Variants in ZNF621 observed in about 807,000 individuals in gnomAD.
The protein encoded by ZNF621 is zinc finger protein 621.
Under a neutral mutation model 12.7 loss-of-function variants are expected in ZNF621, and 6 were observed. The observed-to-expected ratio is 0.47, with a 90% CI of 0.26 to 0.93. The LOEUF is 0.93. ZNF621 is among the 40% of genes least tolerant of loss of function. The probability of loss-of-function intolerance (pLI) is 0.15; values close to 1 mark genes in which losing one functional copy is unlikely to be tolerated. For missense variants in ZNF621, 474 were observed against 524.0 expected (o/e 0.90, Z 0.93); for synonymous variants, 156 against 190.3 (o/e 0.82, Z 1.48).
At chr3:40,524,660 C>A (rs1325790081), upstream of ZNF621, among the ~76,000 whole-genome samples, 1 of 152,208 alleles carries the variant, frequency 6.6e-6, no homozygotes, top group Non-Finnish European at 1.5e-5. Context: ...CGGCCAACAG[C>A]TGAGGCGCAG....
intron 3 of ZNF621, 111 bp from the exon 4 acceptor site, chr3:40,530,098 C>A: frequency 1.3e-6 from 1 of 786,244 alleles, no homozygotes; most frequent in Non-Finnish European, 2.1e-6. Flanking sequence ...ACTTGGTCTG[C>A]TGGTGTTCAA....
Position 40,534,516 on chromosome 3 carries a change from A to G in ZNF621, c.*1426A>G, listed in dbSNP as rs1303380900. 1 of 147,266 alleles carries G rather than the reference A, an allele frequency of 6.8e-6. No homozygotes were observed. The highest frequency in any genetic ancestry group is 1.5e-5 in the Non-Finnish European group (1 of 67,088). The allele number at this position is 147,266 out of a possible 1,614,324, so 9.1% of individuals were successfully genotyped here. A position where few individuals can be genotyped will look rare whatever the true frequency, so the allele number is the denominator to read the frequency against. The stretch of plus-strand genomic sequence containing the variant: ...GATGTTGCTATCTAGATGTTTCTCT[A>G]TAGCAATTAATAGCAAAACCTTTAC... On this transcript the variant is annotated 3_prime_UTR_variant, in exon 5 of 5. Coordinates refer to ENST00000339296, the MANE Select transcript of ZNF621 (RefSeq NM_198484.5).
At chr3:40,531,929 G>A (rs1274146866) in intron 4 of ZNF621, 101 bp from the exon 5 acceptor site, 3 of 1,103,834 alleles carry the variant, frequency 2.7e-6, no homozygotes, top group African/African-American at 1.6e-5. Flanking sequence ...CATTTCACAG[G>A]TATCTTTAAA....
rs183167640 is a variant in ZNF621 at position 40,526,758 on chromosome 3, G to T, written c.24+894G>T. Reference sequence around the variant, plus strand: ...AGAATTTTAAGCAGGGGGATGACATGGTTGGATTTACATATTAAAAAGATT... The same window carrying T: ...AGAATTTTAAGCAGGGGGATGACATTGTTGGATTTACATATTAAAAAGATT... On this transcript the variant is annotated intron_variant, in intron 2 of 4. Transcript: ENST00000339296. 7.2e-3 allele frequency among the ~76,000 whole-genome samples: 1,093 copies of T among 152,300 alleles called. 7 individuals are homozygous for T. Among genetic ancestry groups the T allele is most frequent in the Non-Finnish European group, 0.011 (781 of 68,012 alleles).
chr3:40,523,904 A>G (rs1470037160), upstream of ZNF621, among the ~76,000 whole-genome samples: 1 of 152,026 alleles, frequency 6.6e-6, no homozygotes, highest in Non-Finnish European at 1.5e-5. Flanking sequence ...TGAGCTGGGT[A>G]GAGCTGCCAC....
At chr3:40,527,144 A>C (rs1263040173) in intron 2 of ZNF621, among the ~76,000 whole-genome samples, 1 of 152,032 alleles carries the variant, frequency 6.6e-6, no homozygotes, top group African/African-American at 2.4e-5. Flanking sequence ...CAGCCTCCCG[A>C]GTAGATGGAA....
Position 40,532,276 on chromosome 3 carries a change from A to G in ZNF621, c.506A>G (p.His169Arg), listed in dbSNP as rs1207697290. ...IFRYNSKLIR[H>R]QMSHTGEKPF... ...CGATATAACTCAAAGCTTATTCGGCATCAGATGAGTCATACTGGGGAAAAG... is the reference window on the plus strand; with the variant it reads ...CGATATAACTCAAAGCTTATTCGGCGTCAGATGAGTCATACTGGGGAAAAG... Residue 169 changes from histidine (H) to arginine (R), a missense_variant, in exon 5 of 5, where the codon CAT becomes CGT. Transcript: ENST00000339296. 1.9e-6 allele frequency: 3 copies of G among 1,613,526 alleles called. No individual in the cohort carries two copies. The highest frequency in any genetic ancestry group is 2.7e-5 in the African/African-American group (2 of 74,956).
At position 40,538,010 on chromosome 3, in the gene ZNF621, T is replaced by C. The variant is rs751954435; in HGVS notation, c.*4920T>C. Among the ~76,000 whole-genome samples, 8 of 152,234 alleles carry C rather than the reference T, an allele frequency of 5.3e-5. No individual in the cohort carries two copies. The highest frequency in any genetic ancestry group is 8.8e-5 in the Non-Finnish European group (6 of 68,042). On this transcript the variant is annotated 3_prime_UTR_variant, in exon 5 of 5. Coordinates refer to ENST00000339296, the MANE Select transcript of ZNF621 (RefSeq NM_198484.5). ...AGCATCAAAGGACAGCTCGTCTCTC[T>C]TGTTAGGGGTTCATGCAGCTGGTAA...
intron 2 of ZNF621, among the ~76,000 whole-genome samples, chr3:40,528,156 G>T (rs1698629760): frequency 6.6e-6 from 1 of 152,050 alleles, no homozygotes. Flanking sequence ...TTTCCCCTTA[G>T]TCCCGTCCCA....
In ZNF621 at chr3:40,537,022, C is replaced by T. The variant is rs1219504280; in HGVS notation, c.*3932C>T. On this transcript the variant is annotated 3_prime_UTR_variant, in exon 5 of 5. Transcript: ENST00000339296. ...TGATTACTCCACTAACTGATGGTTC[C>T]CCATCTCTCTCCCTCTCCTCAGACC... 6.6e-6 allele frequency: 1 copy of T among 152,106 alleles called. No individual in the cohort carries two copies. Among genetic ancestry groups the T allele is most frequent in the Non-Finnish European group, 1.5e-5 (1 of 68,042 alleles). 9.4% of individuals were successfully genotyped at this position (152,106 alleles called of 1,614,324 possible).
Position 40,537,166 on chromosome 3 carries a change from T to C in ZNF621, c.*4076T>C, listed in dbSNP as rs1197388245. The C allele has an allele frequency of 6.6e-6, 1 of 152,192 alleles. No individual in the cohort carries two copies. The highest frequency in any genetic ancestry group is 1.9e-4 in the East Asian group (1 of 5,196). The allele number at this position is 152,192 out of a possible 1,614,324, so 9.4% of individuals were successfully genotyped here. A position where few individuals can be genotyped will look rare whatever the true frequency, so the allele number is the denominator to read the frequency against. ...CTCACTTTAAATCAAAAGCTAGAAATGATTAAGCTTAGTGAGGAAGGCTAA... is the reference window on the plus strand; with the variant it reads ...CTCACTTTAAATCAAAAGCTAGAAACGATTAAGCTTAGTGAGGAAGGCTAA... On this transcript the variant is annotated 3_prime_UTR_variant, in exon 5 of 5. Coordinates refer to ENST00000339296, the MANE Select transcript of ZNF621 (RefSeq NM_198484.5).
rs1354108875 is a variant in ZNF621, at chr3:40,530,275, C to G, written c.218C>G (p.Pro73Arg). The change falls in exon 4 of 5, where the codon CCA becomes CGA. Residue 73 changes from proline to arginine, a missense_variant. Coordinates refer to ENST00000339296, the MANE Select transcript of ZNF621 (RefSeq NM_198484.5). The part of the protein sequence containing the change: ...HLERGEAPWG[P>R]DPWDTEILRG... ...GAGAGAGGGGAAGCACCATGGGGCCCAGATCCCTGGGACACCGAGATTCTG... is the reference window on the plus strand; with the variant it reads ...GAGAGAGGGGAAGCACCATGGGGCCGAGATCCCTGGGACACCGAGATTCTG... 9 of 1,613,070 alleles carry G rather than the reference C, an allele frequency of 5.6e-6. No individual in the cohort carries two copies. In the Admixed American group the frequency reaches 8.3e-5, roughly 15 times the overall value.
upstream of ZNF621, among the ~76,000 whole-genome samples, chr3:40,524,258 G>T (rs755674679): frequency 4.5e-4 from 69 of 152,164 alleles, no homozygotes; most frequent in Non-Finnish European, 9.0e-4. Context: ...TTAAGTGCCA[G>T]TTACTGAGCA....
At chr3:40,531,607 G>A (rs936154704) in intron 4 of ZNF621, among the ~76,000 whole-genome samples, 1 of 152,108 alleles carries the variant, frequency 6.6e-6, no homozygotes, top group African/African-American at 2.4e-5. Flanking sequence ...CCGCTGCCCA[G>A]GCTGAAGTGC....
chr3:40,535,515 C>G lies in ZNF621; in HGVS notation c.*2425C>G, dbSNP rs537151429. ...GCAGCTGCTGGTGCCTGCTACTGGA[C>G]TGCCACCCCCCATTGAAGAGACTGG... is the stretch of plus-strand genomic sequence containing the variant. On this transcript the variant is annotated 3_prime_UTR_variant, in exon 5 of 5. Transcript: ENST00000339296. 3 of 152,358 alleles carry G rather than the reference C, an allele frequency of 2.0e-5. No individual in the cohort carries two copies. Among genetic ancestry groups the G allele is most frequent in the African/African-American group, 7.2e-5 (3 of 41,584 alleles). 9.4% of individuals were successfully genotyped at this position (152,358 alleles called of 1,614,324 possible). A position where few individuals can be genotyped will look rare whatever the true frequency, so the allele number is the denominator to read the frequency against.
chr3:40,524,456 A>G (rs1466541827), upstream of ZNF621, among the ~76,000 whole-genome samples: 1 of 152,176 alleles, frequency 6.6e-6, no homozygotes, highest in Admixed American at 6.5e-5. Context: ...TCTGTCCTAA[A>G]AGGTTCTACG....
At position 40,532,783 on chromosome 3, in the gene ZNF621, A is replaced by G; in HGVS notation, c.1013A>G (p.Gln338Arg). ...FKWYGSFVQH[Q>R]KLHPVEKKPV... ...TGGTATGGAAGTTTTGTTCAGCATC[A>G]GAAATTGCACCCTGTGGAGAAGAAG... The change falls in exon 5 of 5, where the codon CAG (glutamine) becomes CGG (arginine). Residue 338 changes from glutamine to arginine, a missense_variant. Gln to Arg is a conservative substitution (Grantham distance 43). Coordinates refer to ENST00000339296, the MANE Select transcript of ZNF621 (RefSeq NM_198484.5). The G allele has an allele frequency of 1.2e-6, 2 of 1,614,220 alleles. No individual in the cohort carries two copies. Among genetic ancestry groups the G allele is most frequent in the Non-Finnish European group, 1.7e-6 (2 of 1,180,046 alleles).
In ZNF621 at chr3:40,529,385, G is replaced by C; in HGVS notation, c.91G>C (p.Ala31Pro). ...GAATCAATGGGCCAGCCTCGACCCT[G>C]CGCAGAGGGCCCTGTACGGGGAGGT... ...TQNQWASLDP[A>P]QRALYGEVML... Residue 31 changes from alanine (A) to proline (P), a missense_variant, in exon 3 of 5, where the codon GCG becomes CCG. Physicochemically the swap from Ala to Pro is conservative, Grantham distance 27. Coordinates refer to ENST00000339296, the MANE Select transcript of ZNF621 (RefSeq NM_198484.5). 6.2e-7 allele frequency: 1 copy of C among 1,613,976 alleles called. No homozygotes were observed. The highest frequency in any genetic ancestry group is 2.2e-5 in the East Asian group (1 of 44,862).
Position 40,538,230 on chromosome 3 carries a change from C to A in ZNF621, c.*5140C>A. On this transcript the variant is annotated 3_prime_UTR_variant, in exon 5 of 5. Coordinates refer to ENST00000339296, the MANE Select transcript of ZNF621 (RefSeq NM_198484.5). ...TACTAAATATTAGGAAAAAAGAATTCTGTCAGGTGTGGTGGCTCACACTTG... is the reference window on the plus strand; with the variant it reads ...TACTAAATATTAGGAAAAAAGAATTATGTCAGGTGTGGTGGCTCACACTTG... 2.4e-6 allele frequency: 1 copy of A among 419,526 alleles called. No individual in the cohort carries two copies. Among genetic ancestry groups the A allele is most frequent in the South Asian group, 1.7e-5 (1 of 59,814 alleles). 26.0% of individuals were successfully genotyped at this position (419,526 alleles called of 1,614,324 possible). A position where few individuals can be genotyped will look rare whatever the true frequency, so the allele number is the denominator to read the frequency against.
Sources: gnomAD v4.1 joint callset for allele counts (sites outside exome capture counted in the v4.1 genomes callset) on GRCh38, gnomAD v4.1.1 for gene constraint, MANE v1.5 for transcripts, NCBI Gene and HGNC (gene_info 2026-07-23, HGNC 2026-07-21) for gene names.